The following CTNNA2 variants were observed in gnomAD, a reference collection of about 807,000 sequenced individuals.
The protein encoded by CTNNA2 is catenin alpha 2, also known as catenin alpha-2.
In CTNNA2, 42 loss-of-function variants were observed where a neutral mutation model predicts 101.0. That is an observed-to-expected ratio of 0.42 (90% confidence interval 0.32 to 0.54). The LOEUF is 0.54. Ranked by LOEUF, CTNNA2 falls within the 20% of genes least tolerant of loss-of-function variation. CTNNA2 has a pLI of 0.14. For synonymous variants in CTNNA2, 450 were observed against 456.4 expected, an observed-to-expected ratio of 0.99 and a Z score of 0.18; for missense variants, 871 against 1,223.1, an observed-to-expected ratio of 0.71 and a Z score of 4.29.
intron 4 of CTNNA2, among the ~76,000 whole-genome samples, chr2:79,390,290 A>G (rs1382572051): frequency 1.3e-5 from 2 of 152,206 alleles, no homozygotes; most frequent in African/African-American, 4.8e-5. Context: ...AATTATATTG[A>G]ATTTCACTTA....
intron 9 of CTNNA2, among the ~76,000 whole-genome samples, chr2:80,445,240 G>A (rs775078623): frequency 2.0e-5 from 3 of 151,900 alleles, no homozygotes; most frequent in Non-Finnish European, 2.9e-5. Flanking sequence ...GGAGTGCAGT[G>A]GCCCAATCAT....
chr2:79,961,609 T>C lies in CTNNA2; in HGVS notation c.1056+51812T>C, dbSNP rs372221358. Among the ~76,000 whole-genome samples, 6 of 151,472 alleles carry C rather than the reference T, an allele frequency of 4.0e-5. 1 individual carries two copies. The South Asian group carries it at 6.3e-4, about 16-fold the overall frequency. ...AGGCTGAGGCGGGCGGATCACCAGG[T>C]CAGGAGATAGAGACCATCCTGGCTA... On this transcript the variant is annotated intron_variant, in intron 7 of 18. Coordinates refer to ENST00000402739, the MANE Select transcript of CTNNA2 (RefSeq NM_001282597.3).
At chr2:80,162,349 T>C in intron 7 of CTNNA2, 2 of 1,144,520 alleles carry the variant, frequency 1.7e-6, no homozygotes, top group Admixed American at 2.9e-5. Flanking sequence ...TGACAACTTG[T>C]AAAGCTGCTC....
intron 9 of CTNNA2, among the ~76,000 whole-genome samples, chr2:80,433,874 A>G (rs899611156): frequency 1.3e-5 from 2 of 152,220 alleles, no homozygotes; most frequent in Non-Finnish European, 2.9e-5. Flanking sequence ...TTCAGGGGAA[A>G]AACTGCTGAT....
intron 7 of CTNNA2, among the ~76,000 whole-genome samples, chr2:80,368,994 CTTT>C (rs1354894508): frequency 6.6e-6 from 1 of 151,510 alleles, no homozygotes; most frequent in African/African-American, 2.4e-5. Flanking sequence ...TTGTAGTATA[CTTT>C]TCTTGAACCC....
chr2:79,925,726 T>A (rs897316890), intron 7 of CTNNA2, among the ~76,000 whole-genome samples: 5 of 152,130 alleles, frequency 3.3e-5, no homozygotes, highest in African/African-American at 4.8e-5. Context: ...TAGTTCCCTC[T>A]GTCCCCCAGA....
At chr2:80,390,901 G>A (rs1006086767) in intron 7 of CTNNA2, among the ~76,000 whole-genome samples, 1 of 152,050 alleles carries the variant, frequency 6.6e-6, no homozygotes, top group Non-Finnish European at 1.5e-5. Flanking sequence ...GGAGGCTGAC[G>A]TGGGTGGATC....
At chr2:79,706,866 C>G (rs1444071038) in intron 2 of CTNNA2, among the ~76,000 whole-genome samples, 3 of 152,068 alleles carry the variant, frequency 2.0e-5, no homozygotes, top group East Asian at 1.9e-4. Context: ...GTTCATTGCC[C>G]AGAGAGGAAT....
At chr2:80,064,560 G>C (rs1446860584) in intron 7 of CTNNA2, among the ~76,000 whole-genome samples, 2 of 152,226 alleles carry the variant, frequency 1.3e-5, no homozygotes, top group African/African-American at 4.8e-5. Flanking sequence ...CAAGTAGCTG[G>C]TGGCTCAGCT....
intron 1 of CTNNA2, among the ~76,000 whole-genome samples, chr2:79,562,153 A>G (rs999205389): frequency 7.2e-5 from 11 of 152,006 alleles, no homozygotes; most frequent in Non-Finnish European, 1.2e-4. Flanking sequence ...TAGGCATCCA[A>G]CTACATTCTT....
intron 6 of CTNNA2, among the ~76,000 whole-genome samples, chr2:79,895,563 T>C (rs930735853): frequency 6.6e-6 from 1 of 152,154 alleles, no homozygotes; most frequent in African/African-American, 2.4e-5. Flanking sequence ...ACCACCGACA[T>C]AGAGTTTAAC....
chr2:79,452,313 A>T (rs1225177808), intron 4 of CTNNA2, among the ~76,000 whole-genome samples: 4 of 151,914 alleles, frequency 2.6e-5, no homozygotes, highest in African/African-American at 9.7e-5. Context: ...AGAATCCTTC[A>T]TACCTCAACC....
chr2:79,800,914 G>A (rs1161504841), intron 3 of CTNNA2, among the ~76,000 whole-genome samples: 1 of 152,194 alleles, frequency 6.6e-6, no homozygotes, highest in Non-Finnish European at 1.5e-5. Flanking sequence ...GAGATTTACT[G>A]AAAAGAACTG....
At chr2:80,268,196 A>C (rs917710375) in intron 7 of CTNNA2, among the ~76,000 whole-genome samples, 1 of 152,240 alleles carries the variant, frequency 6.6e-6, no homozygotes, top group Non-Finnish European at 1.5e-5. Flanking sequence ...CCCAGATGCA[A>C]GCACAGGCTG....
At chr2:80,532,988 C>G (rs1379060342) in intron 9 of CTNNA2, among the ~76,000 whole-genome samples, 1 of 152,072 alleles carries the variant, frequency 6.6e-6, no homozygotes, top group Non-Finnish European at 1.5e-5. Context: ...CTACTGTTTA[C>G]AAGGTCTTGA....
chr2:80,545,339 G>T (rs891829493), intron 10 of CTNNA2, among the ~76,000 whole-genome samples: 5 of 152,130 alleles, frequency 3.3e-5, no homozygotes, highest in Non-Finnish European at 7.4e-5. Context: ...TTGAGGCCAG[G>T]GGTTCAAGGC....
intron 7 of CTNNA2, among the ~76,000 whole-genome samples, chr2:80,351,470 T>C (rs1673285684): frequency 6.6e-6 from 1 of 152,118 alleles, no homozygotes; most frequent in African/African-American, 2.4e-5. Flanking sequence ...CCTGGGAAAA[T>C]AGCTTGTCAG....
chr2:80,527,295 A>G (rs1234930726), intron 9 of CTNNA2, among the ~76,000 whole-genome samples: 1 of 152,204 alleles, frequency 6.6e-6, no homozygotes, highest in Non-Finnish European at 1.5e-5. Context: ...AAAACAGGGC[A>G]CTATTTGTCA....
At chr2:79,898,431 G>A (rs773984634) in intron 6 of CTNNA2, among the ~76,000 whole-genome samples, 5 of 151,976 alleles carry the variant, frequency 3.3e-5, no homozygotes, top group African/African-American at 7.3e-5. Context: ...CACTGTGCCC[G>A]GCCGGTCTTA....
Sources: gnomAD v4.1 joint callset for allele counts (sites outside exome capture counted in the v4.1 genomes callset) on GRCh38, gnomAD v4.1.1 for gene constraint, MANE v1.5 for transcripts, NCBI Gene and HGNC (gene_info 2026-07-23, HGNC 2026-07-21) for gene names.